PTPN13: variants seen among roughly 807,000 people sequenced by gnomAD.
PTPN13 encodes protein tyrosine phosphatase non-receptor type 13.
PTPN13 carries 191 observed loss-of-function variants against 284.0 expected under a neutral mutation model. The observed-to-expected ratio is 0.67, with a 90% confidence interval of 0.60 to 0.76. The LOEUF (loss-of-function observed/expected upper bound fraction) is 0.76, where lower values mean the gene tolerates loss of function less well. PTPN13 is among the 30% of genes least tolerant of loss of function. The pLI, the probability that PTPN13 is intolerant of heterozygous loss-of-function variation, is 0.00. For missense variants in PTPN13, 2,797 were observed against 2,939.9 expected (o/e 0.95, Z 1.12); for synonymous variants, 986 against 1,022.3 (o/e 0.96, Z 0.68).
In PTPN13 at chr4:86,762,768, T is replaced by C. The variant is rs1738844629; in HGVS notation, c.3595T>C (p.Tyr1199His). The change falls in exon 24 of 48, where the codon TAC (tyrosine) becomes CAC (histidine). Residue 1199 changes from tyrosine (Y) to histidine (H), a missense_variant. By Grantham distance (83) the Tyr-to-His change is moderately conservative. Transcript: ENST00000411767. ...PVHLTNEMKNYMKKSSYMQDS... is the reference protein window; with the variant it reads ...PVHLTNEMKNHMKKSSYMQDS... ...GCATCTCACCAATGAGATGAAAAAC[T>C]ACATGAAGAAATCTTCCTACATGCA... The C allele has an allele frequency of 1.2e-6, 2 of 1,605,308 alleles. No individual in the cohort carries two copies. The highest frequency in any genetic ancestry group is 2.7e-5 in the African/African-American group (2 of 74,744).
chr4:86,812,741 G>A (rs914875954), intron 47 of PTPN13, among the ~76,000 whole-genome samples: 1 of 152,082 alleles, frequency 6.6e-6, no homozygotes, highest in African/African-American at 2.4e-5. Flanking sequence ...AAGGAAGAGT[G>A]AAGGAGGAGG....
Position 86,734,853 on chromosome 4 carries a change from A to G in PTPN13, c.2129A>G (p.Glu710Gly). 1 of 1,612,300 alleles carries G rather than the reference A, an allele frequency of 6.2e-7. No homozygotes were observed. The highest frequency in any genetic ancestry group is 8.5e-7 in the Non-Finnish European group (1 of 1,178,756). The stretch of plus-strand genomic sequence containing the variant: ...CTGGCATCCTTGGCTCTCCAGGCTG[A>G]GTATGGAGATTATCAACCAGAGGTA... ...LLLASLALQA[E>G]YGDYQPEVHG... Residue 710 changes from glutamate (E) to glycine (G), a missense_variant, in exon 14 of 48, where the codon GAG becomes GGG. By Grantham distance (98) the Glu-to-Gly change is moderately conservative (BLOSUM62 -2). Coordinates refer to ENST00000411767, the MANE Select transcript of PTPN13 (RefSeq NM_080683.3).
intron 1 of PTPN13, among the ~76,000 whole-genome samples, chr4:86,617,825 G>A (rs549139999): frequency 5.9e-5 from 9 of 152,146 alleles, no homozygotes; most frequent in Non-Finnish European, 1.3e-4. Context: ...CTGGATATTA[G>A]CCCTTTGTCA....
chr4:86,680,347 C>CTATA lies in PTPN13; in HGVS notation c.295-6362_295-6361insATAT, dbSNP rs1554306602. ...ATGTCACATTTTCCTTTCTATCTAT[C>CTATA]TCTATCTATCTATCTATCTATCTAT... On this transcript the variant is annotated intron_variant, in intron 3 of 47. Transcript: ENST00000411767. Among the ~76,000 whole-genome samples the CTATA allele has an allele frequency of 3.5e-5, 5 of 142,550 alleles. No individual in the cohort carries two copies. The South Asian group carries it at 1.2e-3, about 34-fold the overall frequency. The allele number at this position is 142,550 out of a possible 152,430, so 93.5% of individuals were successfully genotyped here.
intron 46 of PTPN13, among the ~76,000 whole-genome samples, chr4:86,810,429 T>C (rs916031650): frequency 6.6e-6 from 1 of 150,872 alleles, no homozygotes; most frequent in Admixed American, 6.7e-5. Context: ...TAATGCTAAG[T>C]AGTTTCTAAA....
chr4:86,620,083 A>T (rs761298213), intron 1 of PTPN13, among the ~76,000 whole-genome samples: 4 of 152,228 alleles, frequency 2.6e-5, no homozygotes, highest in Non-Finnish European at 4.4e-5. Context: ...AAAATGAGAC[A>T]TTTAAAAAAT....
chr4:86,807,381 A>G (rs949495544), intron 44 of PTPN13, among the ~76,000 whole-genome samples, 179 bp from the exon 45 acceptor site: 2 of 152,250 alleles, frequency 1.3e-5, no homozygotes, highest in African/African-American at 4.8e-5. Flanking sequence ...GAGCAAAAAG[A>G]ATAAACATAA....
chr4:86,712,907 G>A (rs1440033856), intron 7 of PTPN13, among the ~76,000 whole-genome samples: 1 of 152,054 alleles, frequency 6.6e-6, no homozygotes, highest in Non-Finnish European at 1.5e-5. Context: ...TAGGGTAGTA[G>A]TAAGGGTGAG....
chr4:86,746,505 G>A (rs1736777646), intron 17 of PTPN13, among the ~76,000 whole-genome samples: 1 of 152,182 alleles, frequency 6.6e-6, no homozygotes, highest in Non-Finnish European at 1.5e-5. Context: ...CATGATAGGG[G>A]TGGAGGTTGT....
rs75908402 is a variant in PTPN13, at chr4:86,797,050, G to A, written c.6401+121G>A. 8,007 of 713,436 alleles carry A rather than the reference G, an allele frequency of 0.011. 501 individuals carry two copies. In the African/African-American group the frequency reaches 0.13, roughly 12 times the overall value. The allele number at this position is 713,436 out of a possible 1,614,324, so 44.2% of individuals were successfully genotyped here. The stretch of plus-strand genomic sequence containing the variant: ...TTGAGTAGATTATAAAACTATGGTT[G>A]AATATTAAGAATTTTTAAAATTTTC... On this transcript the variant is annotated intron_variant, in intron 41 of 47. Coordinates refer to ENST00000411767, the MANE Select transcript of PTPN13 (RefSeq NM_080683.3).
chr4:86,644,134 T>TG (rs1346913403), intron 2 of PTPN13, among the ~76,000 whole-genome samples: 2 of 152,016 alleles, frequency 1.3e-5, no homozygotes, highest in Admixed American at 6.6e-5. Context: ...ATGATTGATT[T>TG]TTTTTTTTTT....
rs762190459 is a variant in PTPN13, at chr4:86,814,440, C to G, written c.7363-16C>G. ...TATACATCTAAAGTATTCTATCTCACTTTTTTTGGCCATAGGATCAATATA... is the reference window on the plus strand; with the variant it reads ...TATACATCTAAAGTATTCTATCTCAGTTTTTTTGGCCATAGGATCAATATA... On this transcript the variant is annotated splice_polypyrimidine_tract_variant and intron_variant, in intron 47 of 47. Coordinates refer to ENST00000411767, the MANE Select transcript of PTPN13 (RefSeq NM_080683.3). 1.0e-5 allele frequency: 16 copies of G among 1,548,120 alleles called. No homozygotes were observed. The highest frequency in any genetic ancestry group is 1.2e-5 in the Non-Finnish European group (14 of 1,122,436).
At position 86,809,721 on chromosome 4, in the gene PTPN13, G is replaced by T; in HGVS notation, c.7084-48G>T. 2.0e-6 allele frequency: 3 copies of T among 1,517,032 alleles called. No homozygotes were observed. The South Asian group carries it at 3.4e-5, about 17-fold the overall frequency. 94.0% of individuals were successfully genotyped at this position (1,517,032 alleles called of 1,614,324 possible). Reference sequence around the variant, plus strand: ...AGAAAAAAAAGAATTAACTGTATGTGAACAATATAACATGTCATGATCCAC... The same window carrying T: ...AGAAAAAAAAGAATTAACTGTATGTTAACAATATAACATGTCATGATCCAC... On this transcript the variant is annotated intron_variant, in intron 45 of 47. Transcript: ENST00000411767.
chr4:86,799,616 C>A (rs1743763644), intron 42 of PTPN13, among the ~76,000 whole-genome samples: 1 of 151,936 alleles, frequency 6.6e-6, no homozygotes, highest in Non-Finnish European at 1.5e-5. Context: ...AGGCATGAAC[C>A]ACCGCACCCA....
At chr4:86,721,577 A>G (rs1457242597) in intron 9 of PTPN13, among the ~76,000 whole-genome samples, 2 of 152,150 alleles carry the variant, frequency 1.3e-5, no homozygotes, top group Admixed American at 1.3e-4. Context: ...GATCAGTTTC[A>G]TTACTAGAAC....
At chr4:86,805,015 T>C (rs891969404) in intron 43 of PTPN13, among the ~76,000 whole-genome samples, 1 of 152,176 alleles carries the variant, frequency 6.6e-6, no homozygotes, top group African/African-American at 2.4e-5. Flanking sequence ...ATAAACACTT[T>C]TAAACAGAAG....
intron 2 of PTPN13, among the ~76,000 whole-genome samples, chr4:86,670,899 GATGATTCATTGAA>G (rs1727655097): frequency 6.6e-6 from 1 of 152,270 alleles, no homozygotes; most frequent in East Asian, 1.9e-4. Flanking sequence ...TATGAGCTGT[GATGATTCATTGAA>G]ATGATTCATT....
At chr4:86,677,308 T>C (rs938608013) in intron 3 of PTPN13, among the ~76,000 whole-genome samples, 1 of 149,794 alleles carries the variant, frequency 6.7e-6, no homozygotes, top group Non-Finnish European at 1.5e-5. Flanking sequence ...AAATAGATGG[T>C]AAATTTAGTC....
chr4:86,784,616 A>T (rs1309360544), intron 38 of PTPN13, 58 bp downstream of exon 38: 11 of 981,792 alleles, frequency 1.1e-5, no homozygotes, highest in African/African-American at 3.4e-5. Flanking sequence ...TCAGGTAATT[A>T]AAAAAAAATA....
Sources: allele counts gnomAD v4.1 joint callset (sites outside exome capture counted in the v4.1 genomes callset), GRCh38; gene constraint gnomAD v4.1.1; transcripts MANE v1.5; gene names NCBI Gene and HGNC (gene_info 2026-07-23, HGNC 2026-07-21).